Variants in GRK2 observed in about 807,000 individuals in gnomAD.
The protein encoded by GRK2 is adrenergic beta receptor kinase 1.
In GRK2, 23 loss-of-function variants were observed where a neutral mutation model predicts 97.8. That is an observed-to-expected ratio of 0.24 (90% CI 0.17 to 0.33). GRK2 has a LOEUF of 0.33. Ranked by LOEUF, GRK2 falls within the 10% of genes least tolerant of loss-of-function variation. The pLI is 1.00. For missense variants in GRK2, 633 were observed against 956.9 expected, an observed-to-expected ratio of 0.66 and a Z score of 4.47; for synonymous variants, 425 against 381.7, an observed-to-expected ratio of 1.11 and a Z score of -1.32.
At position 67,286,101 on chromosome 11, in the gene GRK2, T is replaced by C. The variant is rs959254452; in HGVS notation, c.*651T>C. 4.1e-5 allele frequency: 17 copies of C among 412,128 alleles called. No homozygotes were observed. The highest frequency in any genetic ancestry group is 3.5e-4 in the Admixed American group (8 of 22,804). 25.5% of individuals were successfully genotyped at this position (412,128 alleles called of 1,614,324 possible). A position where few individuals can be genotyped will look rare whatever the true frequency, so the allele number is the denominator to read the frequency against. On this transcript the variant is annotated 3_prime_UTR_variant, in exon 21 of 21. Coordinates refer to ENST00000308595, the MANE Select transcript of GRK2 (RefSeq NM_001619.5). ...CTGCTACCCTCCCTGCTGTCCCCTC[T>C]TGCCCCAACCCCCAGCACCCGGGCT...
In GRK2 at chr11:67,276,953, G is replaced by T. The variant is rs1304736784; in HGVS notation, c.114-319G>T. 3.6e-5 allele frequency: 9 copies of T among 250,178 alleles called. No individual in the cohort carries two copies. Among genetic ancestry groups the T allele is most frequent in the African/African-American group, 1.8e-4 (8 of 44,376 alleles). 15.5% of individuals were successfully genotyped at this position (250,178 alleles called of 1,614,324 possible). On this transcript the variant is annotated intron_variant, in intron 1 of 20. Coordinates refer to ENST00000308595, the MANE Select transcript of GRK2 (RefSeq NM_001619.5). The surrounding 1 kb of genome is among the most constrained non-coding windows in gnomAD (Gnocchi z 4.2). The stretch of plus-strand genomic sequence containing the variant: ...CGCTCACAAACCAGGCTTGGCTTTT[G>T]TGACTTGGCCAAGTTCCCAAAGCCA...
In GRK2 at chr11:67,266,691, G is replaced by C; in HGVS notation, c.-9G>C. On this transcript the variant is annotated 5_prime_UTR_variant, in exon 1 of 21. Transcript: ENST00000308595. ...GGCGGCGGCGGGAGGAGGCAGCGCCGCCGCCAAGATGGCGGACCTGGAGGC... is the reference window on the plus strand; with the variant it reads ...GGCGGCGGCGGGAGGAGGCAGCGCCCCCGCCAAGATGGCGGACCTGGAGGC... 7 of 1,188,804 alleles carry C rather than the reference G, an allele frequency of 5.9e-6. No homozygotes were observed. Among genetic ancestry groups the C allele is most frequent in the Non-Finnish European group, 6.3e-6 (6 of 949,944 alleles). 73.6% of individuals were successfully genotyped at this position (1,188,804 alleles called of 1,614,324 possible).
At chr11:67,284,661 C>T (rs1034358843) in intron 18 of GRK2, 186 bp from the exon 19 acceptor site, 31 of 821,890 alleles carry the variant, frequency 3.8e-5, no homozygotes, top group Non-Finnish European at 5.0e-5. Context: ...TGGTGGCACG[C>T]GCCTGTACTC....
intron 1 of GRK2, among the ~76,000 whole-genome samples, chr11:67,268,655 C>T (rs935657227): frequency 6.6e-6 from 1 of 152,192 alleles, no homozygotes; most frequent in Non-Finnish European, 1.5e-5. Flanking sequence ...TGATGGGGCG[C>T]CGCCTTGGCT....
chr11:67,275,376 A>G (rs1292774832), intron 1 of GRK2, among the ~76,000 whole-genome samples: 1 of 152,302 alleles, frequency 6.6e-6, no homozygotes, highest in East Asian at 1.9e-4. Context: ...TGAAGCTGCC[A>G]TTCTTCCAGA....
At chr11:67,270,415 C>T (rs1160143677) in intron 1 of GRK2, among the ~76,000 whole-genome samples, 1 of 152,120 alleles carries the variant, frequency 6.6e-6, no homozygotes, top group Non-Finnish European at 1.5e-5. Flanking sequence ...TTTCCTCCTT[C>T]CTGCCCCTTT....
At chr11:67,278,579 G>A (rs1324042420) in intron 2 of GRK2, among the ~76,000 whole-genome samples, 1 of 152,204 alleles carries the variant, frequency 6.6e-6, no homozygotes, top group African/African-American at 2.4e-5. Context: ...CACAGACAGT[G>A]TGTCTGACCA....
rs1860168512 is a variant in GRK2 at position 67,282,243 on chromosome 11, C to G, written c.958-28C>G. On this transcript the variant is annotated intron_variant, in intron 11 of 20. Coordinates refer to ENST00000308595, the MANE Select transcript of GRK2 (RefSeq NM_001619.5). The surrounding 1 kb of genome is among the most constrained non-coding windows in gnomAD (Gnocchi z 6.9). ...GGCTGGGCCCCATCCTGAGCTGCCC[C>G]AGGCAGCTCACTGGGCTTCCTTCAC... The G allele has an allele frequency of 6.2e-7, 1 of 1,603,306 alleles. No individual in the cohort carries two copies. Among genetic ancestry groups the G allele is most frequent in the Non-Finnish European group, 8.5e-7 (1 of 1,171,216 alleles).
At chr11:67,277,922 C>T (rs905863864) in intron 2 of GRK2, among the ~76,000 whole-genome samples, 9 of 152,206 alleles carry the variant, frequency 5.9e-5, no homozygotes, top group South Asian at 2.1e-4. Flanking sequence ...TTGGCCTTCC[C>T]GAGAACAGGA....
chr11:67,270,519 TG>T (rs1207599163), intron 1 of GRK2, among the ~76,000 whole-genome samples: 1 of 152,168 alleles, frequency 6.6e-6, no homozygotes, highest in Non-Finnish European at 1.5e-5. Context: ...CCTCGATTTG[TG>T]GGGGAAGGGG....
At chr11:67,284,673 C>G in intron 18 of GRK2, 174 bp from the exon 19 acceptor site, 2 of 926,090 alleles carry the variant, frequency 2.2e-6, no homozygotes. Flanking sequence ...CCTGTACTCC[C>G]AGCTACCCGG....
At chr11:67,275,617 C>A (rs1860013353) in intron 1 of GRK2, among the ~76,000 whole-genome samples, 1 of 152,236 alleles carries the variant, frequency 6.6e-6, no homozygotes, top group Admixed American at 6.5e-5. Flanking sequence ...CTGTGAAGCC[C>A]CCTGGTTTGC....
In GRK2 at chr11:67,279,840, C is replaced by T. The variant is rs772378377; in HGVS notation, c.443C>T (p.Pro148Leu). 7.4e-6 allele frequency: 12 copies of T among 1,614,044 alleles called. No individual in the cohort carries two copies. Among genetic ancestry groups the T allele is most frequent in the Non-Finnish European group, 1.0e-5 (12 of 1,180,000 alleles). The change falls in exon 6 of 21, where the codon CCA becomes CTA. Residue 148 changes from proline to leucine, a missense_variant and splice_region_variant. Pro to Leu is a moderately conservative substitution (Grantham distance 98). Coordinates refer to ENST00000308595, the MANE Select transcript of GRK2 (RefSeq NM_001619.5). Reference sequence around the variant, plus strand: ...CCAACTTCCAGCTTCCTCCCTTAGCCATACATCGAAGAGATTTGTCAAAAC... The same window carrying T: ...CCAACTTCCAGCTTCCTCCCTTAGCTATACATCGAAGAGATTTGTCAAAAC... ...KKQVPPDLFQ[P>L]YIEEICQNLR...
intron 4 of GRK2, 40 bp from the exon 5 acceptor site, chr11:67,279,586 G>A: frequency 1.2e-6 from 2 of 1,612,742 alleles, no homozygotes; most frequent in East Asian, 4.5e-5. Context: ...GGGAAGAGAG[G>A]ACCCTGCTGA....
Position 67,281,722 on chromosome 11 carries a change from A to G in GRK2, c.820A>G (p.Met274Val), listed in dbSNP as rs1457680258. 3.1e-6 allele frequency: 5 copies of G among 1,610,478 alleles called. No individual in the cohort carries two copies. The highest frequency in any genetic ancestry group is 1.4e-5 in the African/African-American group (1 of 73,636). Residue 274 changes from methionine to valine, a missense_variant, in exon 10 of 21, where the codon ATG becomes GTG. Physicochemically the swap from Met to Val is conservative, Grantham distance 21. Coordinates refer to ENST00000308595, the MANE Select transcript of GRK2 (RefSeq NM_001619.5). The surrounding 1 kb of genome is among the most constrained non-coding windows in gnomAD (Gnocchi z 5.7). ...CAAGCTCAGCTTCATCCTGGACCTC[A>G]TGAACGGTGAGTGCTGGCCGGGCCC... ...PDKLSFILDL[M>V]NGGDLHYHLS...
Position 67,285,619 on chromosome 11 carries a change from C to A in GRK2, c.*169C>A. ...CCGCTTGCCTCGGCTCCTGCTGCAC[C>A]AACCCAGCCGCTGCCCGGCGCCCTC... On this transcript the variant is annotated 3_prime_UTR_variant, in exon 21 of 21. Transcript: ENST00000308595. The A allele has an allele frequency of 1.2e-6, 1 of 842,198 alleles. No homozygotes were observed. The allele number at this position is 842,198 out of a possible 1,614,324, so 52.2% of individuals were successfully genotyped here.
chr11:67,283,051 A>G, intron 14 of GRK2, 77 bp from the exon 15 acceptor site: 1 of 1,446,238 alleles, frequency 6.9e-7, no homozygotes, highest in Non-Finnish European at 9.7e-7. Context: ...GGGGGCCTGG[A>G]CCCCTCTCTC....
Position 67,284,315 on chromosome 11 carries a change from G to A in GRK2, c.1596G>A (p.Glu532=), listed in dbSNP as rs1172676507. ...CTGTCTTCGACACCATCAACGCTGA[G>A]ACAGACCGGCTGGAGGCTCGCAAGA... ...AETVFDTINA[E]TDRLEARKKA... is the part of the protein sequence containing the mutation. Residue 532 remains glutamate, a synonymous_variant, in exon 18 of 21, where the codon GAG becomes GAA. Transcript: ENST00000308595. 6.2e-7 allele frequency: 1 copy of A among 1,613,224 alleles called. No homozygotes were observed. The highest frequency in any genetic ancestry group is 8.5e-7 in the Non-Finnish European group (1 of 1,179,994).
chr11:67,271,956 G>A (rs1859918028), intron 1 of GRK2, among the ~76,000 whole-genome samples: 1 of 152,196 alleles, frequency 6.6e-6, no homozygotes, highest in African/African-American at 2.4e-5. Context: ...GCACTGGTTG[G>A]TGAATGCTCG....
Sources: allele counts gnomAD v4.1 joint callset (sites outside exome capture counted in the v4.1 genomes callset), GRCh38; gene constraint gnomAD v4.1.1; non-coding constraint Gnocchi (gnomAD v3.1); transcripts MANE v1.5; gene names NCBI Gene and HGNC (gene_info 2026-07-23, HGNC 2026-07-21).